The following ZNF99 variants were observed in gnomAD, a reference collection of about 807,000 sequenced individuals.
ZNF99 encodes the protein zinc finger protein 99.
ZNF99 carries 8 observed loss-of-function variants against 12.8 expected under a neutral mutation model. The ratio of observed to expected loss-of-function variants is 0.62; its 90% CI spans 0.37 to 1.13. The LOEUF (loss-of-function observed/expected upper bound fraction) is 1.13. ZNF99 is among the 50% of genes most tolerant of loss of function. ZNF99 has a pLI of 0.02. For synonymous variants in ZNF99, 318 were observed against 319.0 expected (o/e 1.00, Z 0.03); for missense variants, 1,007 against 1,006.2 (o/e 1.00, Z -0.01).
chr19:22,774,796 G>A (rs1225945988), intron 1 of ZNF99, among the ~76,000 whole-genome samples: 1 of 152,102 alleles, frequency 6.6e-6, no homozygotes. Flanking sequence ...CTTGAACCCG[G>A]AAGACAGAGG....
chr19:22,764,907 C>T (rs866005794), intron 3 of ZNF99, among the ~76,000 whole-genome samples: 4 of 152,144 alleles, frequency 2.6e-5, no homozygotes, highest in African/African-American at 9.7e-5. Context: ...ACTAGTACAA[C>T]CACTATGGAA....
intron 1 of ZNF99, among the ~76,000 whole-genome samples, chr19:22,780,375 T>C (rs193142687): frequency 1.1e-4 from 17 of 152,310 alleles, no homozygotes; most frequent in Admixed American, 7.2e-4. Flanking sequence ...ACAATAAATG[T>C]ATTATTTTAC....
At position 22,755,073 on chromosome 19, in the gene ZNF99, CA is replaced by C. The variant is rs34161305; in HGVS notation, c.*2240del. The C allele has an allele frequency of 0.053, 7,723 of 146,730 alleles. 189 individuals are homozygous for C. The highest frequency in any genetic ancestry group is 0.088 in the East Asian group (425 of 4,812). 9.1% of individuals were successfully genotyped at this position (146,730 alleles called of 1,614,324 possible). A position where few individuals can be genotyped will look rare whatever the true frequency, so the allele number is the denominator to read the frequency against. On this transcript the variant is annotated 3_prime_UTR_variant, in exon 4 of 4. Transcript: ENST00000596209. ...GGGCAACTAGGGCGAAACTCTGTTT[CA>C]AAAAAAAAAAAAAAAAAATTGAAGA...
intron 1 of ZNF99, among the ~76,000 whole-genome samples, chr19:22,777,727 G>A (rs1408662312): frequency 1.3e-5 from 2 of 152,102 alleles, no homozygotes; most frequent in Non-Finnish European, 2.9e-5. Flanking sequence ...CAGATTCAGT[G>A]TCTGGGGTTG....
At chr19:22,779,772 C>T (rs1421193553) in intron 1 of ZNF99, among the ~76,000 whole-genome samples, 1 of 152,118 alleles carries the variant, frequency 6.6e-6, no homozygotes, top group Non-Finnish European at 1.5e-5. Flanking sequence ...CCTCCGACCT[C>T]CTCTCTAATA....
Position 22,759,048 on chromosome 19 carries a change from A to G in ZNF99, c.861T>C (p.Cys287=). The change falls in exon 4 of 4, where the codon TGT becomes TGC. Residue 287 remains cysteine (C), a synonymous_variant. Transcript: ENST00000596209. ...GCTTAAAAGCTTTGCCACATTCTTC[A>G]CATTTATATGGTTTCTTCCCAGTAT... ...IIHTGKKPYK[C]EECGKAFKQS... 1 of 1,613,770 alleles carries G rather than the reference A, an allele frequency of 6.2e-7. No individual in the cohort carries two copies. Among genetic ancestry groups the G allele is most frequent in the South Asian group, 1.1e-5 (1 of 91,058 alleles).
At chr19:22,772,660 A>G (rs1973285564) in intron 1 of ZNF99, among the ~76,000 whole-genome samples, 1 of 151,702 alleles carries the variant, frequency 6.6e-6, no homozygotes, top group Admixed American at 6.6e-5. Flanking sequence ...CTGGGCAACA[A>G]GAACGAAATT....
At chr19:22,764,051 G>A (rs1203389212) in intron 3 of ZNF99, among the ~76,000 whole-genome samples, 1 of 151,652 alleles carries the variant, frequency 6.6e-6, no homozygotes, top group Admixed American at 6.6e-5. Context: ...TGGGATTACA[G>A]GTGCCTGCCA....
rs149272505 is a variant in ZNF99 at position 22,752,803 on chromosome 19, A to C, written c.*4511T>G. 4.6e-5 allele frequency: 7 copies of C among 152,196 alleles called. No individual in the cohort carries two copies. The East Asian group carries it at 1.2e-3, about 25-fold the overall frequency. 9.4% of individuals were successfully genotyped at this position (152,196 alleles called of 1,614,324 possible). A position where few individuals can be genotyped will look rare whatever the true frequency, so the allele number is the denominator to read the frequency against. ...CATAAAAGCACAACTAATATAATAC[A>C]TCACTAATTTAATTTTAATTTTAAC... On this transcript the variant is annotated 3_prime_UTR_variant, in exon 4 of 4. Transcript: ENST00000596209.
rs1314201965 is a variant in ZNF99, at chr19:22,758,954, C to G, written c.955G>C (p.Gly319Arg). The G allele has an allele frequency of 2.5e-6, 4 of 1,613,752 alleles. No individual in the cohort carries two copies. The highest frequency in any genetic ancestry group is 3.4e-6 in the Non-Finnish European group (4 of 1,179,882). ...GCTGAGAAATGGTTAAAAGCTTTGCCACATTCTTCGCATTTGTAGGGTTTC... is the reference window on the plus strand; with the variant it reads ...GCTGAGAAATGGTTAAAAGCTTTGCGACATTCTTCGCATTTGTAGGGTTTC... Reference protein sequence around the residue: ...GEKPYKCEECGKAFNHFSALR... With the variant: ...GEKPYKCEECRKAFNHFSALR... Residue 319 changes from glycine to arginine, a missense_variant, in exon 4 of 4, where the codon GGC (glycine) becomes CGC (arginine). Transcript: ENST00000596209.
At chr19:22,771,550 C>T (rs1008875174) in intron 1 of ZNF99, among the ~76,000 whole-genome samples, 8 of 151,748 alleles carry the variant, frequency 5.3e-5, no homozygotes, top group African/African-American at 1.9e-4. Flanking sequence ...CCACCGGGCC[C>T]AGCTAAAAAG....
At position 22,759,665 on chromosome 19, in the gene ZNF99, TA is replaced by T. The variant is rs1411531828; in HGVS notation, c.243del (p.Phe81LeufsTer11). 3.9e-6 allele frequency: 6 copies of T among 1,544,238 alleles called. No individual in the cohort carries two copies. Among genetic ancestry groups the T allele is most frequent in the East Asian group, 2.3e-5 (1 of 44,070 alleles). On this transcript the variant is annotated frameshift_variant, in exon 4 of 4. Coordinates refer to ENST00000596209, the MANE Select transcript of ZNF99 (RefSeq NM_001080409.3). LOFTEE classifies it low-confidence loss of function (END_TRUNC). ...CTCTGATCTGGCCAAAAGTCTTGTGTAAAATGAGAACTAATAACTGGAAGAA... is the reference window on the plus strand; with the variant it reads ...CTCTGATCTGGCCAAAAGTCTTGTGTAAATGAGAACTAATAACTGGAAGAA... ...VTKPPVISSH[F>X]TQDFWPDQSI...
Position 22,759,025 on chromosome 19 carries a change from T to G in ZNF99, c.884A>C (p.Lys295Thr), listed in dbSNP as rs1327270226. ...YKCEECGKAFKQSSHLTRHKA... is the reference protein window; with the variant it reads ...YKCEECGKAFTQSSHLTRHKA... ...ATGTCTAGTAAGGTGTGAGGATTGC[T>G]TAAAAGCTTTGCCACATTCTTCACA... Residue 295 changes from lysine (K) to threonine (T), a missense_variant, in exon 4 of 4, where the codon AAG (lysine) becomes ACG (threonine). Coordinates refer to ENST00000596209, the MANE Select transcript of ZNF99 (RefSeq NM_001080409.3). The G allele has an allele frequency of 6.8e-6, 11 of 1,613,644 alleles. No homozygotes were observed. The highest frequency in any genetic ancestry group is 9.3e-6 in the Non-Finnish European group (11 of 1,179,798).
chr19:22,772,830 T>A (rs1488237932), intron 1 of ZNF99, among the ~76,000 whole-genome samples: 2 of 152,138 alleles, frequency 1.3e-5, no homozygotes, highest in Non-Finnish European at 2.9e-5. Flanking sequence ...GAAGTTGCAG[T>A]TTTAGGTCCT....
At position 22,755,564 on chromosome 19, in the gene ZNF99, T is replaced by C; in HGVS notation, c.*1750A>G. 2 of 296,296 alleles carry C rather than the reference T, an allele frequency of 6.8e-6. No individual in the cohort carries two copies. Among genetic ancestry groups the C allele is most frequent in the Non-Finnish European group, 1.4e-5 (2 of 145,914 alleles). 18.4% of individuals were successfully genotyped at this position (296,296 alleles called of 1,614,324 possible). On this transcript the variant is annotated 3_prime_UTR_variant, in exon 4 of 4. Transcript: ENST00000596209. Reference sequence around the variant, plus strand: ...TATCTCTCCAGTATGAATTATCTTATGTTCAGTAAGTTTTGAGAAGCAGTT... The same window carrying C: ...TATCTCTCCAGTATGAATTATCTTACGTTCAGTAAGTTTTGAGAAGCAGTT...
rs750967522 is a variant in ZNF99 at position 22,757,974 on chromosome 19, T to G, written c.1935A>C (p.Gly645=). The G allele has an allele frequency of 3.7e-6, 6 of 1,613,020 alleles. No homozygotes were observed. Among genetic ancestry groups the G allele is most frequent in the Non-Finnish European group, 5.1e-6 (6 of 1,179,636 alleles). The change falls in exon 4 of 4, where the codon GGA becomes GGC. Residue 645 remains glycine (G), a synonymous_variant. Transcript: ENST00000596209. ...TLRKHEIIHT[G]EKPYKCEECG... is the part of the protein sequence containing the mutation. ...ATTCTTCACATTTGTAGGGTTTCTC[T>G]CCAGTATGAATTATCTCATGTTTTC...
At chr19:22,764,598 G>T (rs769880835) in intron 3 of ZNF99, among the ~76,000 whole-genome samples, 43 of 151,222 alleles carry the variant, frequency 2.8e-4, no homozygotes, top group Middle Eastern at 3.4e-3. Context: ...TGACAAAGAA[G>T]TAATATCTTG....
At chr19:22,775,162 T>C (rs922585552) in intron 1 of ZNF99, among the ~76,000 whole-genome samples, 19 of 152,118 alleles carry the variant, frequency 1.2e-4, no homozygotes, top group Admixed American at 6.5e-4. Flanking sequence ...CTTCAAACTA[T>C]GCAACAGGGC....
intron 3 of ZNF99, among the ~76,000 whole-genome samples, chr19:22,764,587 C>T (rs1314678744): frequency 6.6e-6 from 1 of 151,854 alleles, no homozygotes; most frequent in African/African-American, 2.4e-5. Context: ...ATCTATACAC[C>T]TGACAAAGAA....
Sources: gnomAD v4.1 joint callset for allele counts (sites outside exome capture counted in the v4.1 genomes callset) on GRCh38, gnomAD v4.1.1 for gene constraint, MANE v1.5 for transcripts, NCBI Gene and HGNC (gene_info 2026-07-23, HGNC 2026-07-21) for gene names.